CCDC88C: variants seen among roughly 807,000 people sequenced by gnomAD.
CCDC88C encodes protein Daple.
In CCDC88C, 131 loss-of-function variants were observed where a neutral mutation model predicts 198.8. That is an observed-to-expected ratio of 0.66 (90% CI 0.57 to 0.76). The LOEUF (loss-of-function observed/expected upper bound fraction) is 0.76, where lower values mean the gene tolerates loss of function less well. Among genes scored for constraint, CCDC88C ranks in the 30% least tolerant of loss-of-function variants. CCDC88C has a pLI of 0.00. For missense variants in CCDC88C, 2,553 were observed against 2,631.6 expected, an observed-to-expected ratio of 0.97 and a Z score of 0.65; for synonymous variants, 1,166 against 1,114.7, an observed-to-expected ratio of 1.05 and a Z score of -0.92.
rs191767035 is a variant in CCDC88C, at chr14:91,276,816, T to G, written c.5058+1106A>C. Among the ~76,000 whole-genome samples the G allele has an allele frequency of 1.8e-4, 28 of 152,326 alleles. No individual in the cohort carries two copies. In the East Asian group the frequency reaches 5.4e-3, roughly 29 times the overall value. On this transcript the variant is annotated intron_variant, in intron 29 of 29. Transcript: ENST00000389857. ...AAATTCAGAGCACTTTAAAGACGTATGTGCAGCTTCAAAAAAGCTAAACGA... is the reference window on the plus strand; with the variant it reads ...AAATTCAGAGCACTTTAAAGACGTAGGTGCAGCTTCAAAAAAGCTAAACGA...
rs1226329586 is a variant in CCDC88C, at chr14:91,299,943, G to A, written c.3763C>T (p.Arg1255Trp). ...ALAMGENQRL[R>W]GELDRVNFLH... ...GGCGCTCACCTGTCCAGCTCGCCCC[G>A]CAGCCTCTGGTTCTCGCCCATGGCG... The change falls in exon 21 of 30, where the codon CGG (arginine) becomes TGG (tryptophan). Residue 1255 changes from arginine to tryptophan, a missense_variant. Coordinates refer to ENST00000389857, the MANE Select transcript of CCDC88C (RefSeq NM_001080414.4). 25 of 1,588,422 alleles carry A rather than the reference G, an allele frequency of 1.6e-5. No homozygotes were observed. The highest frequency in any genetic ancestry group is 2.3e-5 in the South Asian group (2 of 88,126).
intron 20 of CCDC88C, among the ~76,000 whole-genome samples, chr14:91,302,640 TG>T (rs1891350295): frequency 6.6e-6 from 1 of 152,026 alleles, no homozygotes; most frequent in Admixed American, 6.6e-5. Context: ...GGTGAGGGTG[TG>T]GAGAGTGGGA....
At chr14:91,333,090 A>G (rs1442328488) in intron 10 of CCDC88C, among the ~76,000 whole-genome samples, 3 of 152,260 alleles carry the variant, frequency 2.0e-5, no homozygotes, top group Non-Finnish European at 4.4e-5. Context: ...AGAGAGAGAC[A>G]CACGCAGATG....
chr14:91,393,118 C>T (rs1290287753), intron 3 of CCDC88C, among the ~76,000 whole-genome samples: 1 of 152,178 alleles, frequency 6.6e-6, no homozygotes, highest in African/African-American at 2.4e-5. Context: ...CACTGGCTCT[C>T]TCAGAATCAC....
chr14:91,316,996 G>A lies in CCDC88C; in HGVS notation c.1528-1209C>T, dbSNP rs555953334. 2.4e-3 allele frequency among the ~76,000 whole-genome samples: 372 copies of A among 152,284 alleles called. 2 individuals are homozygous for A. Among genetic ancestry groups the A allele is most frequent in the African/African-American group, 8.6e-3 (358 of 41,556 alleles). On this transcript the variant is annotated intron_variant, in intron 13 of 29. Transcript: ENST00000389857. ...TTAGGTTTTCCTGGGAGTTGTGGGT[G>A]CCAGGACCCTGCCCCTCAGCCCCCA... is the stretch of plus-strand genomic sequence containing the variant.
chr14:91,409,158 T>C (rs1292303978), intron 2 of CCDC88C, among the ~76,000 whole-genome samples: 1 of 148,416 alleles, frequency 6.7e-6, no homozygotes, highest in East Asian at 2.0e-4. Context: ...ATGTGAAATA[T>C]CAAGAAAGAC....
intron 3 of CCDC88C, among the ~76,000 whole-genome samples, chr14:91,377,204 A>C (rs1406535050): frequency 1.3e-5 from 2 of 152,226 alleles, no homozygotes; most frequent in Admixed American, 1.3e-4. Flanking sequence ...TGGCAGCATC[A>C]GTTGCCAGGG....
intron 23 of CCDC88C, among the ~76,000 whole-genome samples, chr14:91,291,370 C>T (rs765943729): frequency 3.9e-5 from 6 of 152,178 alleles, no homozygotes; most frequent in Non-Finnish European, 5.9e-5. Context: ...AACTCACGCT[C>T]GGAAGACCCA....
chr14:91,379,877 G>T, intron 3 of CCDC88C: 1 of 703,052 alleles, frequency 1.4e-6, no homozygotes. Context: ...ACCGGAAAAA[G>T]GGTCTATCCT....
At chr14:91,314,941 G>A (rs1431744945) in intron 14 of CCDC88C, among the ~76,000 whole-genome samples, 4 of 152,268 alleles carry the variant, frequency 2.6e-5, no homozygotes, top group East Asian at 1.9e-4. Flanking sequence ...GTTCGAGACC[G>A]GCCTGGGCAA....
At chr14:91,290,448 TG>T (rs1890611846) in intron 24 of CCDC88C, among the ~76,000 whole-genome samples, 1 of 152,242 alleles carries the variant, frequency 6.6e-6, no homozygotes, top group Non-Finnish European at 1.5e-5. Flanking sequence ...GCTCAGGCCG[TG>T]GACAAGGGGC....
intron 13 of CCDC88C, among the ~76,000 whole-genome samples, chr14:91,316,462 G>A (rs930175117): frequency 2.0e-5 from 3 of 150,302 alleles, no homozygotes; most frequent in South Asian, 2.1e-4. Context: ...TGCTCTTGTC[G>A]CCCAGGATGG....
rs1317595115 is a variant in CCDC88C at position 91,278,028 on chromosome 14, G to A, written c.4952C>T (p.Thr1651Ile). 2 of 1,603,378 alleles carry A rather than the reference G, an allele frequency of 1.2e-6. No individual in the cohort carries two copies. Among genetic ancestry groups the A allele is most frequent in the Non-Finnish European group, 1.7e-6 (2 of 1,175,008 alleles). The change falls in exon 29 of 30, where the codon ACA becomes ATA. Residue 1651 changes from threonine (T) to isoleucine (I), a missense_variant. Physicochemically the swap from Thr to Ile is moderately conservative, Grantham distance 89 (BLOSUM62 -1). Coordinates refer to ENST00000389857, the MANE Select transcript of CCDC88C (RefSeq NM_001080414.4). ...LPQEGAQKRG[T>I]APPYVGVRPC... ...CCGCACTCCGACGTAGGGAGGGGCT[G>A]TGCCCCTCTTCTGGGCACCCTCCTG... is the stretch of plus-strand genomic sequence containing the variant.
At chr14:91,356,449 C>G (rs965108123) in intron 4 of CCDC88C, among the ~76,000 whole-genome samples, 3 of 152,172 alleles carry the variant, frequency 2.0e-5, no homozygotes, top group Non-Finnish European at 4.4e-5. Context: ...CCCTCACTGT[C>G]CAGTTTCTCC....
Position 91,321,131 on chromosome 14 carries a change from G to C in CCDC88C, c.1516C>G (p.Leu506Val). The C allele has an allele frequency of 6.2e-7, 1 of 1,610,182 alleles. No individual in the cohort carries two copies. The highest frequency in any genetic ancestry group is 8.5e-7 in the Non-Finnish European group (1 of 1,178,202). Residue 506 changes from leucine to valine, a missense_variant, in exon 13 of 30, where the codon CTC (leucine) becomes GTC (valine). Coordinates refer to ENST00000389857, the MANE Select transcript of CCDC88C (RefSeq NM_001080414.4). ...CGELEKENHQ[L>V]SKKIEKLQTQ... ...GGAGGCCGAGGTACCTTCTTGCTGA[G>C]CTGGTGGTTCTCCTTCTCCAGCTCC...
At position 91,408,585 on chromosome 14, in the gene CCDC88C, C is replaced by T. The variant is rs867124450; in HGVS notation, c.270+74G>A. ...CATAAGCACCGTTTCCTCCCGGCCT[C>T]CTGTGGGAAAACCGTGACAGTGACG... On this transcript the variant is annotated intron_variant, in intron 3 of 29. Coordinates refer to ENST00000389857, the MANE Select transcript of CCDC88C (RefSeq NM_001080414.4). The T allele has an allele frequency of 5.2e-5, 49 of 949,488 alleles. No individual in the cohort carries two copies. The Middle Eastern group carries it at 1.0e-3, about 20-fold the overall frequency. 58.8% of individuals were successfully genotyped at this position (949,488 alleles called of 1,614,324 possible).
At chr14:91,357,130 C>G (rs1359107145) in intron 4 of CCDC88C, among the ~76,000 whole-genome samples, 3 of 152,232 alleles carry the variant, frequency 2.0e-5, no homozygotes, top group Non-Finnish European at 4.4e-5. Flanking sequence ...ATCAGCCCCT[C>G]TGCTTACAGG....
chr14:91,350,658 T>C (rs1596100741), intron 4 of CCDC88C, among the ~76,000 whole-genome samples: 2 of 152,128 alleles, frequency 1.3e-5, no homozygotes, highest in Non-Finnish European at 2.9e-5. Context: ...GGGTCAGAGA[T>C]AAAGCAGTGA....
chr14:91,291,237 T>C (rs1944070345), intron 23 of CCDC88C, among the ~76,000 whole-genome samples, 153 bp from the exon 24 acceptor site: 1 of 152,178 alleles, frequency 6.6e-6, no homozygotes, highest in Non-Finnish European at 1.5e-5. Flanking sequence ...GTCACTGAGT[T>C]TGGAATACGG....
Sources: allele counts gnomAD v4.1 joint callset (sites outside exome capture counted in the v4.1 genomes callset), GRCh38; gene constraint gnomAD v4.1.1; transcripts MANE v1.5; gene names NCBI Gene and HGNC (gene_info 2026-07-23, HGNC 2026-07-21).